The following ELL variants were observed in gnomAD, a reference collection of about 807,000 sequenced individuals.
ELL encodes the protein RNA polymerase II elongation factor ELL.
Under a neutral mutation model 64.0 loss-of-function variants are expected in ELL, and 18 were observed. The ratio of observed to expected loss-of-function variants is 0.28; its 90% CI spans 0.19 to 0.42. The LOEUF is 0.42. Ranked by LOEUF, ELL falls within the 10% of genes least tolerant of loss-of-function variation. The pLI, the probability that ELL is intolerant of heterozygous loss-of-function variation, is 1.00. For synonymous variants in ELL, 399 were observed against 376.2 expected (o/e 1.06, Z -0.70); for missense variants, 797 against 870.4 (o/e 0.92, Z 1.06).
intron 2 of ELL, chr19:18,470,837 T>A: frequency 2.6e-6 from 1 of 391,124 alleles, no homozygotes. Flanking sequence ...CTACTGGAGG[T>A]CTGCAGCCAG....
intron 4 of ELL, among the ~76,000 whole-genome samples, chr19:18,462,704 C>T (rs193114533): frequency 6.6e-6 from 1 of 152,230 alleles, no homozygotes; most frequent in Non-Finnish European, 1.5e-5. Flanking sequence ...TGTTTGTAAA[C>T]CCTTCTGATG....
Position 18,520,277 on chromosome 19 carries a change from G to A in ELL, c.135+1644C>T, listed in dbSNP as rs1421690386. On this transcript the variant is annotated intron_variant, in intron 1 of 11. Coordinates refer to ENST00000262809, the MANE Select transcript of ELL (RefSeq NM_006532.4). Reference sequence around the variant, plus strand: ...ATGACTCACGAGCTCTCCCCCAGCTGTTTCTAGGAAAGCCTGCCTTCCTGC... The same window carrying A: ...ATGACTCACGAGCTCTCCCCCAGCTATTTCTAGGAAAGCCTGCCTTCCTGC... 2.0e-5 allele frequency among the ~76,000 whole-genome samples: 3 copies of A among 152,120 alleles called. No individual in the cohort carries two copies. In the East Asian group the frequency reaches 5.8e-4, roughly 29 times the overall value.
rs771220828 is a variant in ELL, at chr19:18,472,883, CTAT to C, written c.136-4_136-2del. 8.4e-7 allele frequency: 1 copy of C among 1,184,470 alleles called. No individual in the cohort carries two copies. The allele number at this position is 1,184,470 out of a possible 1,614,324, so 73.4% of individuals were successfully genotyped here. A position where few individuals can be genotyped will look rare whatever the true frequency, so the allele number is the denominator to read the frequency against. ...TAGATGGCCTCAGTGAAACAGAATC[CTAT>C]AAAAAAAAAAAAAAAAAAAAAAAGG... is the stretch of plus-strand genomic sequence containing the variant. On this transcript the variant is annotated splice_acceptor_variant and splice_polypyrimidine_tract_variant and intron_variant, in intron 1 of 11. Transcript: ENST00000262809. LOFTEE classifies it high-confidence loss of function.
chr19:18,463,297 T>TGA (rs1388264081), intron 4 of ELL, among the ~76,000 whole-genome samples: 1 of 146,788 alleles, frequency 6.8e-6, no homozygotes, highest in African/African-American at 2.5e-5. Flanking sequence ...GGGGGCACTG[T>TGA]GAGACAGAGG....
intron 1 of ELL, among the ~76,000 whole-genome samples, chr19:18,496,113 C>T (rs1026405848): frequency 2.0e-5 from 3 of 152,198 alleles, no homozygotes; most frequent in Admixed American, 6.5e-5. Flanking sequence ...GGGGTTACTC[C>T]CTCCTTATGG....
At chr19:18,502,685 G>A (rs896258608) in intron 1 of ELL, among the ~76,000 whole-genome samples, 5 of 152,134 alleles carry the variant, frequency 3.3e-5, no homozygotes, top group South Asian at 2.1e-4. Context: ...CAATGACAAC[G>A]GACACCAGAC....
intron 1 of ELL, among the ~76,000 whole-genome samples, chr19:18,479,411 A>G (rs1423072720): frequency 6.6e-6 from 1 of 152,148 alleles, no homozygotes; most frequent in Admixed American, 6.5e-5. Flanking sequence ...GGTGAAGAAG[A>G]ACGTATCTGA....
chr19:18,481,718 C>G (rs1342882274), intron 1 of ELL, among the ~76,000 whole-genome samples: 1 of 152,154 alleles, frequency 6.6e-6, no homozygotes, highest in African/African-American at 2.4e-5. Context: ...TGTGTTGCCC[C>G]GCAGTATAAA....
At chr19:18,482,794 T>TTGTTGCTGC (rs139501319) in intron 1 of ELL, among the ~76,000 whole-genome samples, 1,534 of 150,150 alleles carry the variant, frequency 0.01, 27 homozygotes, top group African/African-American at 0.032. Flanking sequence ...GTTGTTGTTG[T>TTGTTGCTGC]TGCTGCTGTT....
chr19:18,510,429 T>C (rs1414894460), intron 1 of ELL, among the ~76,000 whole-genome samples: 2 of 152,212 alleles, frequency 1.3e-5, no homozygotes, highest in Non-Finnish European at 2.9e-5. Flanking sequence ...ACACTGGCTA[T>C]GCAGAAGCAG....
At chr19:18,499,070 G>C (rs1975726515) in intron 1 of ELL, among the ~76,000 whole-genome samples, 1 of 152,184 alleles carries the variant, frequency 6.6e-6, no homozygotes, top group Non-Finnish European at 1.5e-5. Flanking sequence ...GATGCCAGGA[G>C]GGAAGCCTGG....
At chr19:18,482,710 C>A (rs939030343) in intron 1 of ELL, among the ~76,000 whole-genome samples, 17 of 151,926 alleles carry the variant, frequency 1.1e-4, no homozygotes, top group African/African-American at 4.1e-4. Flanking sequence ...CAATTTTTTT[C>A]TTTTATGGGT....
At chr19:18,474,609 C>T (rs1468830045) in intron 1 of ELL, among the ~76,000 whole-genome samples, 1 of 152,248 alleles carries the variant, frequency 6.6e-6, no homozygotes, top group Non-Finnish European at 1.5e-5. Flanking sequence ...ACGTCCATGG[C>T]CCACTCCCTT....
intron 1 of ELL, among the ~76,000 whole-genome samples, chr19:18,500,643 C>T (rs1195309887): frequency 6.6e-6 from 1 of 152,178 alleles, no homozygotes; most frequent in Non-Finnish European, 1.5e-5. Flanking sequence ...CGGCATAACA[C>T]TGGTGCCCTG....
chr19:18,504,083 C>A (rs1423792617), intron 1 of ELL, among the ~76,000 whole-genome samples: 1 of 152,244 alleles, frequency 6.6e-6, no homozygotes, highest in South Asian at 2.1e-4. Context: ...AGAGGATCTG[C>A]GGGCTGTCAC....
intron 1 of ELL, 64 bp from the exon 2 acceptor site, chr19:18,472,946 A>T: frequency 2.0e-6 from 3 of 1,504,208 alleles, no homozygotes; most frequent in Non-Finnish European, 2.7e-6. Flanking sequence ...TGGGAAACCC[A>T]AAGACTCCCT....
intron 6 of ELL, among the ~76,000 whole-genome samples, chr19:18,457,826 G>A (rs1974715280): frequency 6.6e-6 from 1 of 152,224 alleles, no homozygotes; most frequent in East Asian, 1.9e-4. Context: ...TTCTTGAGAG[G>A]CTCTTTTCAA....
intron 2 of ELL, among the ~76,000 whole-genome samples, chr19:18,467,309 G>A (rs931695436): frequency 3.3e-5 from 5 of 152,130 alleles, no homozygotes; most frequent in East Asian, 1.9e-4. Context: ...GAAAAAAGCC[G>A]TCCCATCTGC....
intron 1 of ELL, among the ~76,000 whole-genome samples, chr19:18,521,688 C>A (rs1976282284): frequency 6.6e-6 from 1 of 152,028 alleles, no homozygotes; most frequent in South Asian, 2.1e-4. Context: ...CGAGTCTGGG[C>A]CCCTCAGCAG....
Sources: allele counts gnomAD v4.1 joint callset (sites outside exome capture counted in the v4.1 genomes callset), GRCh38; gene constraint gnomAD v4.1.1; transcripts MANE v1.5; gene names NCBI Gene and HGNC (gene_info 2026-07-23, HGNC 2026-07-21).